The following SUPT3H variants were observed in gnomAD, a reference collection of about 807,000 sequenced individuals.
SUPT3H encodes the protein transcription initiation protein SPT3 homolog.
Under a neutral mutation model 44.3 loss-of-function variants are expected in SUPT3H, and 44 were observed. The ratio of observed to expected loss-of-function variants is 0.99; its 90% CI spans 0.78 to 1.28. SUPT3H has a LOEUF of 1.28. Among genes scored for constraint, SUPT3H ranks in the 50% most tolerant of loss-of-function variants. The pLI is 0.00. For synonymous variants in SUPT3H, 124 were observed against 125.6 expected (o/e 0.99, Z 0.09); for missense variants, 380 against 387.1 (o/e 0.98, Z 0.15).
At chr6:45,183,985 A>G (rs1813728568) in intron 2 of SUPT3H, among the ~76,000 whole-genome samples, 1 of 152,164 alleles carries the variant, frequency 6.6e-6, no homozygotes, top group African/African-American at 2.4e-5. Context: ...GCACAGTGAA[A>G]CTATTTTGTA....
chr6:45,248,481 A>G (rs1374761266), intron 2 of SUPT3H, among the ~76,000 whole-genome samples: 1 of 152,234 alleles, frequency 6.6e-6, no homozygotes, highest in East Asian at 1.9e-4. Context: ...CAGATAGCAA[A>G]TAAGCCATCA....
chr6:44,982,423 C>T (rs999006274), intron 6 of SUPT3H, among the ~76,000 whole-genome samples: 1 of 152,152 alleles, frequency 6.6e-6, no homozygotes, highest in Non-Finnish European at 1.5e-5. Flanking sequence ...CAGTGTTTCA[C>T]CGTGTTAGCC....
intron 2 of SUPT3H, among the ~76,000 whole-genome samples, chr6:45,296,983 T>A: frequency 6.7e-6 from 1 of 149,146 alleles, no homozygotes. Flanking sequence ...TCTGCTCAGG[T>A]GATGAGTACA....
intron 10 of SUPT3H, among the ~76,000 whole-genome samples, chr6:44,878,612 G>C (rs1467080944): frequency 6.6e-6 from 1 of 152,156 alleles, no homozygotes; most frequent in African/African-American, 2.4e-5. Flanking sequence ...AAATGGTATA[G>C]CTGCTCTCGG....
intron 10 of SUPT3H, among the ~76,000 whole-genome samples, chr6:44,890,033 G>A (rs1454698447): frequency 2.2e-4 from 33 of 151,648 alleles, no homozygotes; most frequent in African/African-American, 7.5e-4. Flanking sequence ...GGCCATCAGA[G>A]AAATGCAAAT....
chr6:45,098,772 G>A (rs1798141113), intron 3 of SUPT3H: 3 of 497,212 alleles, frequency 6.0e-6, no homozygotes, highest in Admixed American at 2.1e-5. Context: ...CTACCAGTTT[G>A]GAGAGATGCA....
At chr6:45,135,786 T>G (rs994718372) in intron 2 of SUPT3H, among the ~76,000 whole-genome samples, 2 of 152,226 alleles carry the variant, frequency 1.3e-5, no homozygotes, top group African/African-American at 4.8e-5. Context: ...TCCGGAACTA[T>G]GAGAAATTGC....
chr6:44,968,760 G>A (rs1434248208), intron 6 of SUPT3H, among the ~76,000 whole-genome samples: 2 of 152,126 alleles, frequency 1.3e-5, no homozygotes, highest in Non-Finnish European at 2.9e-5. Flanking sequence ...AGGCTGTCCT[G>A]TGTCCCCACA....
intron 10 of SUPT3H, among the ~76,000 whole-genome samples, chr6:44,919,992 C>T (rs1768416837): frequency 6.6e-6 from 1 of 152,088 alleles, no homozygotes; most frequent in Non-Finnish European, 1.5e-5. Context: ...GATTCTCCTG[C>T]CTCAGCCTCC....
intron 2 of SUPT3H, among the ~76,000 whole-genome samples, chr6:45,272,568 C>T (rs1776364222): frequency 6.6e-6 from 1 of 152,102 alleles, no homozygotes; most frequent in East Asian, 1.9e-4. Flanking sequence ...TGGGCTAATA[C>T]ATTGACCTTT....
intron 2 of SUPT3H, among the ~76,000 whole-genome samples, chr6:45,284,611 C>T (rs955174878): frequency 2.6e-5 from 4 of 151,990 alleles, no homozygotes; most frequent in Non-Finnish European, 5.9e-5. Flanking sequence ...AATAGCTTAC[C>T]AACCAAAAAA....
At chr6:44,985,868 T>A (rs1329038067) in intron 6 of SUPT3H, among the ~76,000 whole-genome samples, 1 of 152,144 alleles carries the variant, frequency 6.6e-6, no homozygotes. Context: ...GATCAAGAGG[T>A]AAGCAATCTG....
chr6:44,960,951 T>C (rs1775940798), intron 7 of SUPT3H, among the ~76,000 whole-genome samples: 2 of 152,234 alleles, frequency 1.3e-5, no homozygotes, highest in African/African-American at 4.8e-5. Flanking sequence ...TATGCTGTTA[T>C]TGGGACCACA....
At chr6:44,926,473 AT>A (rs1344243323) in intron 10 of SUPT3H, among the ~76,000 whole-genome samples, 2 of 152,140 alleles carry the variant, frequency 1.3e-5, no homozygotes, top group Non-Finnish European at 2.9e-5. Flanking sequence ...TGTCTTAAAA[AT>A]TTTTTTAATT....
chr6:44,874,615 A>G (rs1376703499), intron 10 of SUPT3H, among the ~76,000 whole-genome samples: 130 of 79,902 alleles, frequency 1.6e-3, no homozygotes, highest in African/African-American at 4.3e-3. Flanking sequence ...CTCTCTCACC[A>G]CTCCTATTCA....
intron 2 of SUPT3H, among the ~76,000 whole-genome samples, chr6:45,267,692 G>C (rs867650328): frequency 6.6e-6 from 1 of 152,160 alleles, no homozygotes; most frequent in Middle Eastern, 3.4e-3. Flanking sequence ...TCTGCCTCTT[G>C]ACTTTAAATT....
intron 10 of SUPT3H, among the ~76,000 whole-genome samples, chr6:44,894,580 T>C (rs1050862558): frequency 6.6e-6 from 1 of 152,202 alleles, no homozygotes; most frequent in South Asian, 2.1e-4. Flanking sequence ...TATTGATGTA[T>C]ATCTCTGTTT....
intron 6 of SUPT3H, among the ~76,000 whole-genome samples, chr6:44,990,605 C>G (rs1444238221): frequency 1.3e-5 from 2 of 152,076 alleles, no homozygotes; most frequent in Non-Finnish European, 2.9e-5. Flanking sequence ...GTGATTGGAT[C>G]ATGGGGGCAA....
At chr6:45,221,500 ACTC>A (rs1766050863) in intron 2 of SUPT3H, among the ~76,000 whole-genome samples, 1 of 152,184 alleles carries the variant, frequency 6.6e-6, no homozygotes, top group Admixed American at 6.6e-5. Flanking sequence ...AATTATAATT[ACTC>A]CTAAGACAAT....
Sources: allele counts gnomAD v4.1 joint callset (sites outside exome capture counted in the v4.1 genomes callset), GRCh38; gene constraint gnomAD v4.1.1; transcripts MANE v1.5; gene names NCBI Gene and HGNC (gene_info 2026-07-23, HGNC 2026-07-21).